Variants in MPZL1 observed in about 807,000 individuals in gnomAD.
The protein encoded by MPZL1 is myelin protein zero-like protein 1.
In MPZL1, 16 loss-of-function variants were observed where a neutral mutation model predicts 29.3. That is an observed-to-expected ratio of 0.55 (90% CI 0.37 to 0.83). MPZL1 has a LOEUF of 0.83. Among genes scored for constraint, MPZL1 ranks in the 40% least tolerant of loss-of-function variants. The pLI is 0.00. For missense variants in MPZL1, 279 were observed against 332.9 expected (o/e 0.84, Z 1.26); for synonymous variants, 143 against 132.0 (o/e 1.08, Z -0.57).
chr1:167,752,754 C>A (rs547988366), intron 1 of MPZL1, among the ~76,000 whole-genome samples: 1 of 152,316 alleles, frequency 6.6e-6, no homozygotes, highest in South Asian at 2.1e-4. Context: ...CCAGAGAGAG[C>A]TTGACTGGGG....
intron 1 of MPZL1, among the ~76,000 whole-genome samples, chr1:167,753,507 G>A (rs1660799593): frequency 6.6e-6 from 1 of 152,188 alleles, no homozygotes; most frequent in East Asian, 1.9e-4. Flanking sequence ...ACCCATGGCT[G>A]TAAAAAAGGC....
At chr1:167,777,907 A>C (rs1661406021) in intron 5 of MPZL1, among the ~76,000 whole-genome samples, 1 of 152,262 alleles carries the variant, frequency 6.6e-6, no homozygotes, top group African/African-American at 2.4e-5. Flanking sequence ...AAGCCTTTAA[A>C]GAATCAAACT....
intron 1 of MPZL1, among the ~76,000 whole-genome samples, chr1:167,734,181 A>G (rs996842019): frequency 1.3e-5 from 2 of 151,530 alleles, no homozygotes; most frequent in Admixed American, 6.6e-5. Context: ...GCGTGAACCC[A>G]GGAGGCAGAG....
intron 5 of MPZL1, among the ~76,000 whole-genome samples, chr1:167,786,173 G>A (rs1259748595): frequency 6.6e-6 from 1 of 152,058 alleles, no homozygotes; most frequent in Non-Finnish European, 1.5e-5. Context: ...AATATAGAGG[G>A]TCTGTATGAT....
chr1:167,722,000 G>A lies in MPZL1; in HGVS notation c.-152G>A, dbSNP rs1383188129. On this transcript the variant is annotated 5_prime_UTR_variant, in exon 1 of 6. Transcript: ENST00000359523. ...CTTCGGTGCAGAGCTGGAGAGCCGC[G>A]GCTGGGACCGGAGTGGGGAGCGCGG... 6.4e-5 allele frequency: 72 copies of A among 1,127,848 alleles called. No individual in the cohort carries two copies. The highest frequency in any genetic ancestry group is 9.6e-5 in the African/African-American group (6 of 62,308). 69.9% of individuals were successfully genotyped at this position (1,127,848 alleles called of 1,614,324 possible).
chr1:167,734,976 C>A (rs921746578), intron 1 of MPZL1, among the ~76,000 whole-genome samples: 1 of 152,194 alleles, frequency 6.6e-6, no homozygotes, highest in Admixed American at 6.5e-5. Flanking sequence ...GTTGGGAATT[C>A]AGTTTGTGCT....
chr1:167,770,989 T>C (rs1038554600), intron 2 of MPZL1, among the ~76,000 whole-genome samples: 7 of 151,900 alleles, frequency 4.6e-5, no homozygotes, highest in Non-Finnish European at 8.8e-5. Context: ...ATTTGTAATA[T>C]GATGTTGCAT....
In MPZL1 at chr1:167,722,203, CGCTGGCTGTGGTCGGT is replaced by C; in HGVS notation, c.59_74del (p.Leu20ArgfsTer7). On this transcript the variant is annotated frameshift_variant, in exon 1 of 6. Coordinates refer to ENST00000359523, the MANE Select transcript of MPZL1 (RefSeq NM_003953.6). LOFTEE classifies it high-confidence loss of function. ...GGTGATTGCAGCCCCAGACAGCCGG[CGCTGGCTGTGGTCGGT>C]GCTGGCGGCGGCGCTTGGGCTCTGT... The C allele has an allele frequency of 8.1e-7, 1 of 1,238,966 alleles. No homozygotes were observed. The highest frequency in any genetic ancestry group is 1.0e-6 in the Non-Finnish European group (1 of 987,834). The allele number at this position is 1,238,966 out of a possible 1,614,324, so 76.7% of individuals were successfully genotyped here.
chr1:167,728,196 C>G (rs1222113790), intron 1 of MPZL1, among the ~76,000 whole-genome samples: 1 of 151,858 alleles, frequency 6.6e-6, no homozygotes, highest in African/African-American at 2.4e-5. Context: ...CCTGCCACCA[C>G]GCCTGGCTAA....
At chr1:167,754,138 C>T (rs1380718742) in intron 1 of MPZL1, among the ~76,000 whole-genome samples, 1 of 151,928 alleles carries the variant, frequency 6.6e-6, no homozygotes, top group East Asian at 1.9e-4. Flanking sequence ...GCTGAGATTA[C>T]AGGTGTGCGC....
chr1:167,753,830 A>G (rs1353486918), intron 1 of MPZL1, among the ~76,000 whole-genome samples: 1 of 151,936 alleles, frequency 6.6e-6, no homozygotes, highest in Non-Finnish European at 1.5e-5. Flanking sequence ...GGATTTCACC[A>G]TGTTGGCCAG....
intron 1 of MPZL1, among the ~76,000 whole-genome samples, chr1:167,754,071 C>T (rs924457101): frequency 3.3e-5 from 5 of 152,078 alleles, no homozygotes; most frequent in Admixed American, 6.6e-5. Flanking sequence ...GATCTCCGTT[C>T]GCTGCAACCT....
intron 1 of MPZL1, among the ~76,000 whole-genome samples, chr1:167,742,117 AC>A (rs1174347610): frequency 1.3e-5 from 2 of 151,478 alleles, no homozygotes; most frequent in Non-Finnish European, 2.9e-5. Flanking sequence ...ACATGGCAAA[AC>A]CCCGTCTCTA....
intron 4 of MPZL1, chr1:167,773,987 C>T (rs1419863779): frequency 1.3e-5 from 2 of 152,290 alleles, no homozygotes; most frequent in Non-Finnish European, 2.9e-5. Flanking sequence ...TGGTGCAGGG[C>T]TTTTCCTTTT....
rs186369353 is a variant in MPZL1, at chr1:167,736,630, T to C, written c.91+14388T>C. ...CTTCCCTTTCCTCACCTCACCTCCC[T>C]GGATTTAATCAGATCTCTGCCAGTG... On this transcript the variant is annotated intron_variant, in intron 1 of 5. Transcript: ENST00000359523. 1.8e-4 allele frequency among the ~76,000 whole-genome samples: 27 copies of C among 152,318 alleles called. 1 individual carries two copies. Among genetic ancestry groups the C allele is most frequent in the Admixed American group, 1.3e-3 (20 of 15,300 alleles).
intron 1 of MPZL1, among the ~76,000 whole-genome samples, chr1:167,763,078 G>A (rs1661021254): frequency 6.6e-6 from 1 of 152,156 alleles, no homozygotes; most frequent in East Asian, 1.9e-4. Context: ...ATGCCTAAAA[G>A]CCATTTGGGA....
intron 1 of MPZL1, among the ~76,000 whole-genome samples, chr1:167,729,998 A>AT (rs1239120936): frequency 6.6e-6 from 1 of 152,116 alleles, no homozygotes; most frequent in Non-Finnish European, 1.5e-5. Flanking sequence ...GTATTATAGA[A>AT]TTTTTTCTTC....
At chr1:167,767,430 T>C (rs1661137497) in intron 2 of MPZL1, among the ~76,000 whole-genome samples, 1 of 152,250 alleles carries the variant, frequency 6.6e-6, no homozygotes, top group African/African-American at 2.4e-5. Flanking sequence ...CCATTTATGC[T>C]GGAAACAGTC....
At chr1:167,748,852 T>A (rs55814614) in intron 1 of MPZL1, among the ~76,000 whole-genome samples, 46,776 of 152,040 alleles carry the variant, frequency 0.31, 8,327 homozygotes, top group African/African-American at 0.48. Context: ...ATCATTCTAT[T>A]CCAGCACTAA....
Sources: allele counts gnomAD v4.1 joint callset (sites outside exome capture counted in the v4.1 genomes callset), GRCh38; gene constraint gnomAD v4.1.1; transcripts MANE v1.5; gene names NCBI Gene and HGNC (gene_info 2026-07-23, HGNC 2026-07-21).